Variants in VSTM4 observed in about 807,000 individuals in gnomAD.
VSTM4 encodes V-set and transmembrane domain-containing protein 4.
Under a neutral mutation model 36.4 loss-of-function variants are expected in VSTM4, and 20 were observed. The ratio of observed to expected loss-of-function variants is 0.55; its 90% CI spans 0.39 to 0.80. The LOEUF is 0.80. VSTM4 is among the 30% of genes least tolerant of loss of function. The probability of loss-of-function intolerance (pLI) is 0.00; values close to 1 mark genes in which losing one functional copy is unlikely to be tolerated. For missense variants in VSTM4, 392 were observed against 404.5 expected, an observed-to-expected ratio of 0.97 and a Z score of 0.26; for synonymous variants, 182 against 173.9, an observed-to-expected ratio of 1.05 and a Z score of -0.37.
intron 5 of VSTM4, among the ~76,000 whole-genome samples, chr10:49,060,172 T>A (rs563881782): frequency 6.6e-6 from 1 of 152,376 alleles, no homozygotes; most frequent in Non-Finnish European, 1.5e-5. Flanking sequence ...TATGAACAAC[T>A]GCATATATGT....
intron 7 of VSTM4, among the ~76,000 whole-genome samples, chr10:49,032,868 AAGAC>A (rs1372221370): frequency 1.3e-5 from 2 of 150,652 alleles, no homozygotes; most frequent in Non-Finnish European, 1.5e-5. Context: ...GAGAGAGAGA[AAGAC>A]AGAGAGAGAG....
In VSTM4 at chr10:49,048,571, C is replaced by G; in HGVS notation, c.682G>C (p.Val228Leu). 1.3e-6 allele frequency: 2 copies of G among 1,589,652 alleles called. No homozygotes were observed. The highest frequency in any genetic ancestry group is 1.7e-6 in the Non-Finnish European group (2 of 1,171,950). The change falls in exon 6 of 8, where the codon GTC becomes CTC. Residue 228 changes from valine to leucine, a missense_variant. Physicochemically the swap from Val to Leu is conservative, Grantham distance 32. Coordinates refer to ENST00000332853, the MANE Select transcript of VSTM4 (RefSeq NM_001031746.5). ...GGGGCCAAGCTGGTCACGCTAGTGA[C>G]AGTCTCCCCTGAGCTGTAGAAGAAA... ...KCPQNSSGET[V>L]TSVTSLAPLQ...
At chr10:49,072,067 T>C (rs938547067) in intron 4 of VSTM4, among the ~76,000 whole-genome samples, 1 of 152,252 alleles carries the variant, frequency 6.6e-6, no homozygotes, top group Non-Finnish European at 1.5e-5. Context: ...TTGCAGGTTT[T>C]AGTGATGTCA....
At chr10:49,046,776 T>C (rs1317482489) in intron 7 of VSTM4, among the ~76,000 whole-genome samples, 2 of 152,194 alleles carry the variant, frequency 1.3e-5, no homozygotes, top group Non-Finnish European at 2.9e-5. Flanking sequence ...ATATAAACTA[T>C]TTGGATTTTT....
chr10:49,064,996 T>C (rs1843947403), intron 4 of VSTM4, among the ~76,000 whole-genome samples: 1 of 152,222 alleles, frequency 6.6e-6, no homozygotes, highest in African/African-American at 2.4e-5. Flanking sequence ...GTATTCATTT[T>C]GGGCCAAGGC....
intron 5 of VSTM4, among the ~76,000 whole-genome samples, chr10:49,061,166 A>G (rs992232137): frequency 6.6e-6 from 1 of 152,116 alleles, no homozygotes; most frequent in Non-Finnish European, 1.5e-5. Flanking sequence ...TCAACAAAAA[A>G]CTGTTTCCAC....
Position 49,107,790 on chromosome 10 carries a change from A to T in VSTM4, c.261T>A (p.Tyr87Ter). Residue 87 changes from tyrosine (Y) to a stop codon, truncating the protein, a stop_gained, in exon 2 of 8, where the codon TAT becomes TAA. Transcript: ENST00000332853. LOFTEE classifies it high-confidence loss of function. The part of the protein sequence containing the change: ...KMTKLRVVQY[Y>*]GNFSRSAKRR... ...GTTTGGCGCTGCGGCTGAAATTCCC[A>T]TAGTACTGCACCACCCGGAGCTTGG... is the stretch of plus-strand genomic sequence containing the variant. 1 of 1,614,230 alleles carries T rather than the reference A, an allele frequency of 6.2e-7. No individual in the cohort carries two copies. Among genetic ancestry groups the T allele is most frequent in the African/African-American group, 1.3e-5 (1 of 75,064 alleles).
chr10:49,036,138 G>A (rs76436800), intron 7 of VSTM4, among the ~76,000 whole-genome samples: 12,446 of 152,196 alleles, frequency 0.082, 696 homozygotes, highest in Middle Eastern at 0.16. Flanking sequence ...ACCGAACGCC[G>A]AGATACCTGC....
chr10:49,025,746 C>T (rs946268031), intron 7 of VSTM4, among the ~76,000 whole-genome samples: 25 of 152,326 alleles, frequency 1.6e-4, no homozygotes, highest in African/African-American at 5.3e-4. Flanking sequence ...ACCAAGTGAC[C>T]GGCACACGGG....
intron 4 of VSTM4, among the ~76,000 whole-genome samples, chr10:49,068,816 G>T (rs142635526): frequency 1.3e-5 from 2 of 152,158 alleles, no homozygotes; most frequent in African/African-American, 2.4e-5. Context: ...TAAAGGGTGC[G>T]TAATGGAGCC....
intron 2 of VSTM4, chr10:49,103,885 G>T (rs780129799): frequency 6.2e-7 from 1 of 1,608,948 alleles, no homozygotes; most frequent in Non-Finnish European, 8.5e-7. Context: ...GAGGTGACAT[G>T]AGCAGGTTAG....
At chr10:49,020,204 G>C (rs1328565177) in intron 7 of VSTM4, among the ~76,000 whole-genome samples, 1 of 152,150 alleles carries the variant, frequency 6.6e-6, no homozygotes, top group East Asian at 1.9e-4. Flanking sequence ...AAATGACTTA[G>C]TATAAAACTA....
intron 2 of VSTM4, chr10:49,102,653 G>A (rs558417185): frequency 6.6e-5 from 65 of 985,080 alleles, no homozygotes; most frequent in Non-Finnish European, 7.5e-5. Flanking sequence ...ATTGAAATAG[G>A]TCAAGGGAAA....
intron 7 of VSTM4, among the ~76,000 whole-genome samples, chr10:49,042,281 C>A (rs752629754): frequency 1.3e-5 from 2 of 152,148 alleles, no homozygotes; most frequent in Non-Finnish European, 2.9e-5. Context: ...CCTGCTGCTG[C>A]CTTTAAGAAC....
chr10:49,083,541 G>A (rs1368764974), intron 3 of VSTM4, among the ~76,000 whole-genome samples: 1 of 152,202 alleles, frequency 6.6e-6, no homozygotes, highest in Non-Finnish European at 1.5e-5. Flanking sequence ...GAAAAGATTG[G>A]TCTGTAAACA....
In VSTM4 at chr10:49,107,749, A is replaced by C; in HGVS notation, c.302T>G (p.Leu101Arg). 1 of 1,614,210 alleles carries C rather than the reference A, an allele frequency of 6.2e-7. No individual in the cohort carries two copies. Among genetic ancestry groups the C allele is most frequent in the Non-Finnish European group, 8.5e-7 (1 of 1,180,036 alleles). ...SRSAKRRRLR[L>R]LEEQRGALYR... is the part of the protein sequence containing the mutation. ...GAGCGCCCCCCGCTGCTCCTCCAGC[A>C]GGCGCAGCCTCCGCCGTTTGGCGCT... Residue 101 changes from leucine to arginine, a missense_variant, in exon 2 of 8, where the codon CTG becomes CGG. Coordinates refer to ENST00000332853, the MANE Select transcript of VSTM4 (RefSeq NM_001031746.5).
At chr10:49,093,198 C>A (rs891308350) in intron 2 of VSTM4, among the ~76,000 whole-genome samples, 8 of 152,110 alleles carry the variant, frequency 5.3e-5, no homozygotes, top group Non-Finnish European at 1.0e-4. Flanking sequence ...TAAGAGAGCA[C>A]CCCATAACAC....
chr10:49,067,103 G>T (rs1407690475), intron 4 of VSTM4, among the ~76,000 whole-genome samples: 1 of 152,194 alleles, frequency 6.6e-6, no homozygotes, highest in Non-Finnish European at 1.5e-5. Flanking sequence ...GTGAAAGAAA[G>T]ATGGATCTAA....
intron 7 of VSTM4, among the ~76,000 whole-genome samples, chr10:49,021,235 T>C (rs1025013464): frequency 6.6e-6 from 1 of 151,486 alleles, no homozygotes; most frequent in Non-Finnish European, 1.5e-5. Context: ...ATATCATTCT[T>C]CACCCCAGGT....
Sources: allele counts gnomAD v4.1 joint callset (sites outside exome capture counted in the v4.1 genomes callset), GRCh38; gene constraint gnomAD v4.1.1; transcripts MANE v1.5; gene names NCBI Gene and HGNC (gene_info 2026-07-23, HGNC 2026-07-21).